TRMT9B: variants seen among roughly 807,000 people sequenced by gnomAD.
TRMT9B encodes the protein probable tRNA methyltransferase 9B.
A neutral mutation model predicts 11.5 loss-of-function variants in TRMT9B; 16 were observed. The ratio of observed to expected loss-of-function variants is 1.39; its 90% CI spans 0.94 to 2.11. TRMT9B has a LOEUF of 2.11. TRMT9B is among the 30% of genes most tolerant of loss of function. The probability of loss-of-function intolerance (pLI) is 0.00; values close to 1 mark genes in which losing one functional copy is unlikely to be tolerated. For synonymous variants in TRMT9B, 274 were observed against 192.4 expected, an observed-to-expected ratio of 1.42 and a Z score of -3.51; for missense variants, 941 against 553.8, an observed-to-expected ratio of 1.70 and a Z score of -7.02.
chr8:12,955,213 A>T (rs1801139198), intron 1 of TRMT9B, among the ~76,000 whole-genome samples: 1 of 152,144 alleles, frequency 6.6e-6, no homozygotes, highest in Admixed American at 6.5e-5. Flanking sequence ...TACTCTTAGT[A>T]ATCAGTGTCC....
intron 1 of TRMT9B, among the ~76,000 whole-genome samples, chr8:12,979,915 A>T (rs1333602344): frequency 2.0e-5 from 3 of 152,204 alleles, no homozygotes; most frequent in African/African-American, 7.2e-5. Context: ...TTGAACCCTG[A>T]TCGTCTGAGA....
At chr8:12,980,675 A>T (rs1244059675) in intron 1 of TRMT9B, among the ~76,000 whole-genome samples, 1 of 152,200 alleles carries the variant, frequency 6.6e-6, no homozygotes, top group African/African-American at 2.4e-5. Context: ...AAAAGAGAGC[A>T]CAGGAGACGA....
At chr8:13,005,939 C>A (rs1258143353) in intron 2 of TRMT9B, among the ~76,000 whole-genome samples, 1 of 152,216 alleles carries the variant, frequency 6.6e-6, no homozygotes, top group African/African-American at 2.4e-5. Context: ...TCATCTTGTA[C>A]AGGAACTTAT....
At chr8:12,985,101 C>T (rs1281803202) in intron 1 of TRMT9B, among the ~76,000 whole-genome samples, 3 of 152,112 alleles carry the variant, frequency 2.0e-5, no homozygotes, top group South Asian at 2.1e-4. Context: ...TACTCCTTGA[C>T]ATTTTTCGAG....
chr8:13,005,334 G>C (rs1384780098), intron 2 of TRMT9B, among the ~76,000 whole-genome samples: 1 of 152,022 alleles, frequency 6.6e-6, no homozygotes, highest in East Asian at 1.9e-4. Context: ...TTGTTAATGG[G>C]TACAAAAAAC....
At position 12,951,059 on chromosome 8, in the gene TRMT9B, G is replaced by A. The variant is rs994263283; in HGVS notation, c.-200+5093G>A. Reference sequence around the variant, plus strand: ...GAAGATACTATTACGTTAGGGACCTGGAAGAAAGTAGTTAACGCTATTGTC... The same window carrying A: ...GAAGATACTATTACGTTAGGGACCTAGAAGAAAGTAGTTAACGCTATTGTC... On this transcript the variant is annotated intron_variant, in intron 1 of 4. Coordinates refer to ENST00000524591, the MANE Select transcript of TRMT9B (RefSeq NM_020844.3). Among the ~76,000 whole-genome samples the A allele has an allele frequency of 3.3e-5, 5 of 152,274 alleles. No homozygotes were observed. The South Asian group carries it at 1.0e-3, about 32-fold the overall frequency.
chr8:12,957,634 A>G (rs77105778), intron 1 of TRMT9B, among the ~76,000 whole-genome samples: 2,220 of 152,284 alleles, frequency 0.015, 58 homozygotes, highest in African/African-American at 0.051. Flanking sequence ...ATTGCCCTGA[A>G]TACAGAAGCA....
chr8:13,002,164 A>C (rs1039691293), intron 2 of TRMT9B, among the ~76,000 whole-genome samples: 4 of 152,212 alleles, frequency 2.6e-5, no homozygotes, highest in African/African-American at 9.6e-5. Flanking sequence ...ACTTAGGGGA[A>C]GATCTTGGGG....
chr8:12,968,200 T>G (rs1803087482), intron 1 of TRMT9B, among the ~76,000 whole-genome samples: 1 of 152,224 alleles, frequency 6.6e-6, no homozygotes, highest in Non-Finnish European at 1.5e-5. Flanking sequence ...CTATTTTAAA[T>G]GAAATACTGT....
intron 4 of TRMT9B, among the ~76,000 whole-genome samples, chr8:13,013,810 C>T (rs895674141): frequency 7.2e-5 from 11 of 151,998 alleles, no homozygotes; most frequent in African/African-American, 2.2e-4. Flanking sequence ...ATTAGCCGGG[C>T]ATGGTACAAG....
Position 13,028,057 on chromosome 8 carries a change from G to C in TRMT9B, c.*6013G>C, listed in dbSNP as rs75561287. 6.0e-6 allele frequency: 1 copy of C among 167,010 alleles called. No individual in the cohort carries two copies. The highest frequency in any genetic ancestry group is 1.5e-5 in the Non-Finnish European group (1 of 68,110). The allele number at this position is 167,010 out of a possible 1,614,324, so 10.3% of individuals were successfully genotyped here. ...GCACAATCAGAAACTGAAGAGAGTTGATCAAAGAGAAGATTCTAGCTGAAT... is the reference window on the plus strand; with the variant it reads ...GCACAATCAGAAACTGAAGAGAGTTCATCAAAGAGAAGATTCTAGCTGAAT... On this transcript the variant is annotated 3_prime_UTR_variant, in exon 5 of 5. Transcript: ENST00000524591.
At chr8:12,972,395 G>A (rs1043616424) in intron 1 of TRMT9B, among the ~76,000 whole-genome samples, 1 of 152,132 alleles carries the variant, frequency 6.6e-6, no homozygotes, top group Non-Finnish European at 1.5e-5. Context: ...GCTTGTGGGC[G>A]AGGTGTCTTT....
intron 1 of TRMT9B, chr8:12,952,448 G>A: frequency 3.4e-6 from 1 of 292,744 alleles, no homozygotes; most frequent in South Asian, 2.6e-5. Flanking sequence ...AAACAGGCGA[G>A]ACAGCCATGC....
chr8:12,997,122 A>G (rs1052306519), intron 2 of TRMT9B, among the ~76,000 whole-genome samples: 2 of 151,944 alleles, frequency 1.3e-5, no homozygotes, highest in African/African-American at 2.4e-5. Flanking sequence ...TGTGGAATGT[A>G]TATCATTTGG....
chr8:13,021,867 A>T lies in TRMT9B; in HGVS notation c.1188A>T (p.Glu396Asp), dbSNP rs749050045. 1.2e-6 allele frequency: 2 copies of T among 1,613,922 alleles called. No individual in the cohort carries two copies. Among genetic ancestry groups the T allele is most frequent in the Non-Finnish European group, 8.5e-7 (1 of 1,179,890 alleles). Residue 396 changes from glutamate (E) to aspartate (D), a missense_variant, in exon 5 of 5, where the codon GAA becomes GAT. Physicochemically the swap from Glu to Asp is conservative, Grantham distance 45 (BLOSUM62 2). Transcript: ENST00000524591. ...DFNPDDTMSVEDPQTDVLDST... is the reference protein window; with the variant it reads ...DFNPDDTMSVDDPQTDVLDST... ...ACCCAGATGATACAATGTCTGTCGA[A>T]GATCCACAGACTGATGTTTTGGACT...
In TRMT9B at chr8:13,021,210, G is replaced by A. The variant is rs764899261; in HGVS notation, c.531G>A (p.Arg177=). ...TCTCAGAGTCCAGCCAGTCTGGGAG[G>A]AAGAGGCAGTGTGGATACCCAGAAA... ...QLFSESSQSG[R]KRQCGYPERG... Residue 177 remains arginine (R), a synonymous_variant, in exon 5 of 5, where the codon AGG becomes AGA. Coordinates refer to ENST00000524591, the MANE Select transcript of TRMT9B (RefSeq NM_020844.3). The A allele has an allele frequency of 1.3e-5, 21 of 1,613,854 alleles. No homozygotes were observed. The highest frequency in any genetic ancestry group is 1.8e-5 in the Non-Finnish European group (21 of 1,179,798).
intron 1 of TRMT9B, among the ~76,000 whole-genome samples, chr8:12,981,960 A>C (rs1805465908): frequency 6.6e-6 from 1 of 152,310 alleles, no homozygotes; most frequent in Non-Finnish European, 1.5e-5. Flanking sequence ...TTCAATTTCA[A>C]AGGACTCTCC....
intron 1 of TRMT9B, among the ~76,000 whole-genome samples, chr8:12,989,100 G>A (rs937975884): frequency 6.6e-6 from 1 of 151,394 alleles, no homozygotes; most frequent in African/African-American, 2.4e-5. Context: ...TCAAAAATCT[G>A]GCTTTGCCCC....
At position 13,021,241 on chromosome 8, in the gene TRMT9B, C is replaced by T. The variant is rs1412432459; in HGVS notation, c.562C>T (p.His188Tyr). 6.2e-7 allele frequency: 1 copy of T among 1,613,790 alleles called. No individual in the cohort carries two copies. Among genetic ancestry groups the T allele is most frequent in the Non-Finnish European group, 8.5e-7 (1 of 1,179,858 alleles). ...GCAGTGTGGATACCCAGAAAGAGGC[C>T]ATCCCTACCATCCTCCTTGCTCTGA... ...KRQCGYPERG[H>Y]PYHPPCSECS... The change falls in exon 5 of 5, where the codon CAT (histidine) becomes TAT (tyrosine). Residue 188 changes from histidine to tyrosine, a missense_variant. By Grantham distance (83) the His-to-Tyr change is moderately conservative. Transcript: ENST00000524591.
Sources: allele counts gnomAD v4.1 joint callset (sites outside exome capture counted in the v4.1 genomes callset), GRCh38; gene constraint gnomAD v4.1.1; transcripts MANE v1.5; gene names NCBI Gene and HGNC (gene_info 2026-07-23, HGNC 2026-07-21).